Variants in TFAP2D observed in about 807,000 individuals in gnomAD.
The protein encoded by TFAP2D is transcription factor AP-2 delta, also known as transcription factor AP-2-delta.
A neutral mutation model predicts 43.6 loss-of-function variants in TFAP2D; 9 were observed. The observed-to-expected ratio is 0.21, with a 90% CI of 0.12 to 0.36. The LOEUF (loss-of-function observed/expected upper bound fraction) is 0.36. TFAP2D is among the 10% of genes least tolerant of loss of function. The probability of loss-of-function intolerance (pLI) is 1.00; values close to 1 mark genes in which losing one functional copy is unlikely to be tolerated. For synonymous variants in TFAP2D, 256 were observed against 224.9 expected, an observed-to-expected ratio of 1.14 and a Z score of -1.24; for missense variants, 513 against 561.4, an observed-to-expected ratio of 0.91 and a Z score of 0.87.
At chr6:50,730,095 G>A (rs557498348) in intron 5 of TFAP2D, among the ~76,000 whole-genome samples, 3 of 152,172 alleles carry the variant, frequency 2.0e-5, no homozygotes, top group African/African-American at 7.2e-5. Flanking sequence ...AAAGGCAGGG[G>A]CCTTTTGCCA....
chr6:50,742,686 C>A (rs1015553035), intron 5 of TFAP2D, among the ~76,000 whole-genome samples: 3 of 151,890 alleles, frequency 2.0e-5, no homozygotes, highest in Non-Finnish European at 4.4e-5. Flanking sequence ...TTGGTGTGAA[C>A]AATAACAATG....
chr6:50,754,966 G>A (rs1041917261), intron 7 of TFAP2D, among the ~76,000 whole-genome samples: 5 of 151,732 alleles, frequency 3.3e-5, no homozygotes, highest in Admixed American at 6.6e-5. Flanking sequence ...TTTTGATGTC[G>A]TTTAATTTGT....
At chr6:50,726,563 G>A (rs1362263899) in intron 3 of TFAP2D, among the ~76,000 whole-genome samples, 3 of 152,110 alleles carry the variant, frequency 2.0e-5, no homozygotes, top group Admixed American at 2.0e-4. Context: ...TTAGAAGAGG[G>A]CTATGTGAAT....
intron 3 of TFAP2D, among the ~76,000 whole-genome samples, chr6:50,720,486 AACACACACACACACACACACACAC>A (rs59484837): frequency 1.1e-4 from 16 of 139,160 alleles, no homozygotes; most frequent in South Asian, 2.4e-4. Flanking sequence ...TGGAGATTAA[AACACACACACACACACACACACAC>A]ACACACACAC....
At chr6:50,744,738 A>G (rs573459426) in intron 5 of TFAP2D, among the ~76,000 whole-genome samples, 1 of 152,310 alleles carries the variant, frequency 6.6e-6, no homozygotes, top group Admixed American at 6.5e-5. Flanking sequence ...TAGGCTCAGC[A>G]GCCACAAAAT....
intron 7 of TFAP2D, among the ~76,000 whole-genome samples, chr6:50,761,497 T>C (rs1020863779): frequency 6.6e-6 from 1 of 152,028 alleles, no homozygotes; most frequent in African/African-American, 2.4e-5. Context: ...AAAGAGACTT[T>C]CATTTCCTTT....
Position 50,715,406 on chromosome 6 carries a change from C to T in TFAP2D, c.330C>T (p.Pro110=), listed in dbSNP as rs1561929613. The part of the protein sequence containing the change: ...QYYQQIHHGE[P]TDFINLHNAR... ...ACCAGCAGATCCACCACGGGGAGCC[C>T]ACCGACTTTATTAACCTGCACAATG... Residue 110 remains proline, a synonymous_variant, in exon 2 of 8, where the codon CCC becomes CCT. Coordinates refer to ENST00000008391, the MANE Select transcript of TFAP2D (RefSeq NM_172238.4). 4 of 1,614,150 alleles carry T rather than the reference C, an allele frequency of 2.5e-6. No homozygotes were observed. The highest frequency in any genetic ancestry group is 3.4e-6 in the Non-Finnish European group (4 of 1,180,046).
At chr6:50,736,065 A>T (rs1446842250) in intron 5 of TFAP2D, among the ~76,000 whole-genome samples, 1 of 152,192 alleles carries the variant, frequency 6.6e-6, no homozygotes, top group Non-Finnish European at 1.5e-5. Flanking sequence ...TGAAACTAAA[A>T]GTCATATGAA....
intron 7 of TFAP2D, among the ~76,000 whole-genome samples, chr6:50,770,033 A>G (rs1165687200): frequency 6.6e-6 from 1 of 152,224 alleles, no homozygotes; most frequent in African/African-American, 2.4e-5. Context: ...AATATAGAAG[A>G]AAATTTAAAA....
At chr6:50,720,891 C>T (rs941236779) in intron 3 of TFAP2D, among the ~76,000 whole-genome samples, 1 of 152,166 alleles carries the variant, frequency 6.6e-6, no homozygotes, top group Non-Finnish European at 1.5e-5. Context: ...TCACACTTGA[C>T]CAAGATCACC....
At chr6:50,765,020 A>T (rs887138430) in intron 7 of TFAP2D, among the ~76,000 whole-genome samples, 1 of 152,202 alleles carries the variant, frequency 6.6e-6, no homozygotes, top group Non-Finnish European at 1.5e-5. Flanking sequence ...CATGCTATAC[A>T]GTAGATCCCC....
intron 3 of TFAP2D, among the ~76,000 whole-genome samples, chr6:50,724,763 G>GGTGTGT (rs375837342): frequency 1.3e-5 from 2 of 150,750 alleles, no homozygotes; most frequent in Non-Finnish European, 3.0e-5. Context: ...ACGGTGGCGG[G>GGTGTGT]GTGTGTGTGT....
At position 50,715,048 on chromosome 6, in the gene TFAP2D, G is replaced by A; in HGVS notation, c.40-68G>A. 1.9e-6 allele frequency: 3 copies of A among 1,554,892 alleles called. No individual in the cohort carries two copies. The South Asian group carries it at 3.6e-5, about 19-fold the overall frequency. On this transcript the variant is annotated intron_variant, in intron 1 of 7. Coordinates refer to ENST00000008391, the MANE Select transcript of TFAP2D (RefSeq NM_172238.4). ...AGAAAGCTCCTGGCTCCGGGAGAGC[G>A]GCGCCTTGGTTGCAAAATGACAAAC...
intron 3 of TFAP2D, among the ~76,000 whole-genome samples, chr6:50,720,351 A>G (rs1310839921): frequency 6.6e-6 from 1 of 152,154 alleles, no homozygotes; most frequent in Non-Finnish European, 1.5e-5. Context: ...TGTAAACTCC[A>G]TTTAAACTGA....
At chr6:50,754,332 CTGTG>C (rs147223872) in intron 7 of TFAP2D, among the ~76,000 whole-genome samples, 1 of 151,364 alleles carries the variant, frequency 6.6e-6, no homozygotes, top group Admixed American at 6.6e-5. Flanking sequence ...CACAATATTT[CTGTG>C]TGTGTGTATG....
intron 7 of TFAP2D, among the ~76,000 whole-genome samples, chr6:50,763,546 A>T (rs974156882): frequency 2.0e-5 from 3 of 152,166 alleles, no homozygotes; most frequent in Non-Finnish European, 2.9e-5. Flanking sequence ...ACTTTATTAC[A>T]TATCTTACTA....
chr6:50,756,996 A>G (rs1769274427), intron 7 of TFAP2D, among the ~76,000 whole-genome samples: 3 of 151,898 alleles, frequency 2.0e-5, no homozygotes, highest in Admixed American at 6.6e-5. Flanking sequence ...TCTGAAGTCA[A>G]GCAAAAGCAC....
At position 50,714,009 on chromosome 6, in the gene TFAP2D, T is replaced by G. The variant is rs751761798; in HGVS notation, c.-47T>G. On this transcript the variant is annotated 5_prime_UTR_variant, in exon 1 of 8. Transcript: ENST00000008391. ...GTTTGGATTTTTTTTTCCCGATTCTTTTTTTGGAGGGGGAAATTGCATCGT... is the reference window on the plus strand; with the variant it reads ...GTTTGGATTTTTTTTTCCCGATTCTGTTTTTGGAGGGGGAAATTGCATCGT... The G allele has an allele frequency of 6.2e-6, 10 of 1,609,854 alleles. No homozygotes were observed. The Admixed American group carries it at 1.7e-4, about 27-fold the overall frequency.
At chr6:50,720,015 C>T (rs1768692808) in intron 3 of TFAP2D, among the ~76,000 whole-genome samples, 1 of 152,214 alleles carries the variant, frequency 6.6e-6, no homozygotes, top group South Asian at 2.1e-4. Flanking sequence ...TACCCAAAGC[C>T]TCTGAAGTTT....
Sources: allele counts gnomAD v4.1 joint callset (sites outside exome capture counted in the v4.1 genomes callset), GRCh38; gene constraint gnomAD v4.1.1; transcripts MANE v1.5; gene names NCBI Gene and HGNC (gene_info 2026-07-23, HGNC 2026-07-21).